GABRG3: variants seen among roughly 807,000 people sequenced by gnomAD.
GABRG3 encodes gamma-aminobutyric acid receptor subunit gamma-3.
In GABRG3, 25 loss-of-function variants were observed where a neutral mutation model predicts 48.8. That is an observed-to-expected ratio of 0.51 (90% confidence interval 0.37 to 0.72). GABRG3 has a LOEUF of 0.72. Ranked by LOEUF, GABRG3 falls within the 30% of genes least tolerant of loss-of-function variation. The pLI is 0.00. For synonymous variants in GABRG3, 227 were observed against 217.6 expected (o/e 1.04, Z -0.38); for missense variants, 394 against 577.9 (o/e 0.68, Z 3.26).
intron 6 of GABRG3, among the ~76,000 whole-genome samples, chr15:27,494,915 G>T (rs1218545094): frequency 6.6e-6 from 1 of 151,984 alleles, no homozygotes; most frequent in Non-Finnish European, 1.5e-5. Flanking sequence ...TCTAAAAGTG[G>T]GAGTTTAGAT....
At chr15:27,368,532 A>G (rs1002700689) in intron 5 of GABRG3, among the ~76,000 whole-genome samples, 4 of 152,236 alleles carry the variant, frequency 2.6e-5, no homozygotes, top group South Asian at 2.1e-4. Context: ...TCCAAGGTGC[A>G]TAGTTGGGCA....
rs79938392 is a variant in GABRG3 at position 27,513,013 on chromosome 15, G to T, written c.713-6959G>T. Among the ~76,000 whole-genome samples the T allele has an allele frequency of 8.6e-3, 1,303 of 152,152 alleles. 12 individuals carry two copies. The highest frequency in any genetic ancestry group is 0.015 in the Non-Finnish European group (1,008 of 68,018). On this transcript the variant is annotated intron_variant, in intron 6 of 9. Transcript: ENST00000615808. Reference sequence around the variant, plus strand: ...ATACTTCCCTATGATCTTGGACCAAGTGAAGAAAATTTTAGCTCAAAACTG... The same window carrying T: ...ATACTTCCCTATGATCTTGGACCAATTGAAGAAAATTTTAGCTCAAAACTG...
chr15:27,433,286 A>G (rs1034996120), intron 5 of GABRG3, among the ~76,000 whole-genome samples: 1 of 152,252 alleles, frequency 6.6e-6, no homozygotes, highest in Admixed American at 6.5e-5. Context: ...GCTTAAAACA[A>G]CACAAATTTA....
rs73367758 is a variant in GABRG3 at position 27,035,648 on chromosome 15, C to T, written c.270+8827C>T. Among the ~76,000 whole-genome samples the T allele has an allele frequency of 3.2e-3, 481 of 152,294 alleles. 1 individual carries two copies. The highest frequency in any genetic ancestry group is 0.011 in the African/African-American group (458 of 41,554). The stretch of plus-strand genomic sequence containing the variant: ...CCTTGACAGGTTTGCTGCAAGCCCC[C>T]GCACAGGCCCCACTTGCCTAGAGAC... On this transcript the variant is annotated intron_variant, in intron 3 of 9. Transcript: ENST00000615808.
At chr15:27,529,411 T>C (rs1480669994) in intron 9 of GABRG3, among the ~76,000 whole-genome samples, 2 of 151,450 alleles carry the variant, frequency 1.3e-5, no homozygotes, top group African/African-American at 2.4e-5. Flanking sequence ...TACATATGTA[T>C]ACTAATTACA....
chr15:27,177,804 C>T (rs2140414748), intron 3 of GABRG3, among the ~76,000 whole-genome samples: 1 of 152,282 alleles, frequency 6.6e-6, no homozygotes, highest in East Asian at 1.9e-4. Context: ...TTGTTTTGGA[C>T]TATTGCAGTA....
chr15:27,047,376 A>G (rs1222642381), intron 3 of GABRG3, among the ~76,000 whole-genome samples: 1 of 152,244 alleles, frequency 6.6e-6, no homozygotes, highest in Non-Finnish European at 1.5e-5. Context: ...ACTGTAATTC[A>G]TGGGCACTGA....
chr15:26,979,803 A>G (rs1895019149), intron 2 of GABRG3, among the ~76,000 whole-genome samples: 1 of 151,424 alleles, frequency 6.6e-6, no homozygotes, highest in African/African-American at 2.5e-5. Context: ...GGATTTTTGC[A>G]TGTCTATGTT....
chr15:27,469,533 G>A (rs1566855386), intron 5 of GABRG3, among the ~76,000 whole-genome samples: 1 of 152,040 alleles, frequency 6.6e-6, no homozygotes, highest in Admixed American at 6.6e-5. Context: ...TAGAGATGTG[G>A]TTTTACCATG....
At chr15:27,027,987 G>T (rs1393169203) in intron 3 of GABRG3, among the ~76,000 whole-genome samples, 1 of 152,204 alleles carries the variant, frequency 6.6e-6, no homozygotes, top group Non-Finnish European at 1.5e-5. Flanking sequence ...TGCCTTCCTG[G>T]ATATATGGTT....
chr15:27,217,112 AT>A (rs1186578380), intron 3 of GABRG3, among the ~76,000 whole-genome samples: 3 of 151,446 alleles, frequency 2.0e-5, no homozygotes, highest in African/African-American at 7.3e-5. Flanking sequence ...TGAACTCATC[AT>A]TTTTTATGGC....
intron 3 of GABRG3, among the ~76,000 whole-genome samples, chr15:27,199,213 G>A (rs111315225): frequency 0.01 from 1,544 of 152,268 alleles, 21 homozygotes; most frequent in African/African-American, 0.036. Context: ...TTGACAGACT[G>A]CTTTGTTTTT....
At chr15:27,116,831 C>G (rs1226353462) in intron 3 of GABRG3, among the ~76,000 whole-genome samples, 1 of 152,320 alleles carries the variant, frequency 6.6e-6, no homozygotes. Flanking sequence ...TTCATGCCTT[C>G]CTCCCTGTAA....
chr15:27,195,343 CTCTG>C (rs1160323941), intron 3 of GABRG3, among the ~76,000 whole-genome samples: 4 of 152,066 alleles, frequency 2.6e-5, no homozygotes, highest in South Asian at 4.2e-4. Flanking sequence ...CTCTCTTTCT[CTCTG>C]TCTGTCCATC....
intron 5 of GABRG3, among the ~76,000 whole-genome samples, chr15:27,460,503 G>A (rs1442208705): frequency 1.3e-5 from 2 of 152,232 alleles, no homozygotes; most frequent in African/African-American, 4.8e-5. Flanking sequence ...GTGAGCAGGA[G>A]TTTTTAAAGG....
intron 5 of GABRG3, among the ~76,000 whole-genome samples, chr15:27,436,995 T>TAGAGAGAGAGAGAGAGAGAGAGAG (rs10549691): frequency 7.7e-6 from 1 of 130,476 alleles, no homozygotes; most frequent in African/African-American, 2.8e-5. Context: ...CTCCGAAAAA[T>TAGAGAGAGAGAGAGAGAGAGAGAG]AGAGAGAGAG....
intron 2 of GABRG3, among the ~76,000 whole-genome samples, chr15:27,003,294 A>C (rs1895493056): frequency 6.7e-6 from 1 of 149,438 alleles, no homozygotes; most frequent in South Asian, 2.1e-4. Flanking sequence ...GGGTCATAGG[A>C]CAATAGTGGA....
Position 27,106,118 on chromosome 15 carries a change from C to T in GABRG3, c.270+79297C>T, listed in dbSNP as rs138363899. On this transcript the variant is annotated intron_variant, in intron 3 of 9. Transcript: ENST00000615808. ...CAGAAAATAAAACAATAGTTACCAG[C>T]GGTGGGTCCTGAGAAGGAAATAGGG... Among the ~76,000 whole-genome samples the T allele has an allele frequency of 3.1e-4, 47 of 152,042 alleles. No homozygotes were observed. In the East Asian group the frequency reaches 6.0e-3, roughly 19 times the overall value.
At chr15:26,985,832 TC>T (rs1895141246) in intron 2 of GABRG3, among the ~76,000 whole-genome samples, 1 of 152,294 alleles carries the variant, frequency 6.6e-6, no homozygotes, top group African/African-American at 2.4e-5. Context: ...CATACAATAG[TC>T]CTTCATCCTG....
Sources: allele counts gnomAD v4.1 joint callset (sites outside exome capture counted in the v4.1 genomes callset), GRCh38; gene constraint gnomAD v4.1.1; transcripts MANE v1.5; gene names NCBI Gene and HGNC (gene_info 2026-07-23, HGNC 2026-07-21).